Variants in SPOCK3 observed in about 807,000 individuals in gnomAD.
The protein encoded by SPOCK3 is testican-3.
SPOCK3 carries 30 observed loss-of-function variants against 56.6 expected under a neutral mutation model. The observed-to-expected ratio is 0.53, with a 90% CI of 0.40 to 0.72. The LOEUF is 0.72. SPOCK3 is among the 30% of genes least tolerant of loss of function. The probability of loss-of-function intolerance (pLI) is 0.00; values close to 1 mark genes in which losing one functional copy is unlikely to be tolerated. For missense variants in SPOCK3, 527 were observed against 530.0 expected, an observed-to-expected ratio of 0.99 and a Z score of 0.06; for synonymous variants, 196 against 183.3, an observed-to-expected ratio of 1.07 and a Z score of -0.56.
intron 4 of SPOCK3, among the ~76,000 whole-genome samples, chr4:166,957,434 C>T (rs190308347): frequency 1.3e-5 from 2 of 152,310 alleles, no homozygotes; most frequent in East Asian, 3.9e-4. Flanking sequence ...AGCCTGAACT[C>T]CTGACTTCCT....
chr4:166,952,614 C>T (rs182026575), intron 4 of SPOCK3, among the ~76,000 whole-genome samples: 1 of 152,260 alleles, frequency 6.6e-6, no homozygotes, highest in East Asian at 1.9e-4. Context: ...AAAAAAGAGC[C>T]CGCATCGTCA....
intron 6 of SPOCK3, among the ~76,000 whole-genome samples, chr4:166,863,760 T>C (rs1731488067): frequency 6.6e-6 from 1 of 152,062 alleles, no homozygotes; most frequent in Non-Finnish European, 1.5e-5. Context: ...ATGCATCCAA[T>C]ACAGGAGCAC....
chr4:166,846,617 T>G (rs911069983), intron 6 of SPOCK3, among the ~76,000 whole-genome samples: 1 of 152,228 alleles, frequency 6.6e-6, no homozygotes, highest in Admixed American at 6.5e-5. Flanking sequence ...CCTGTTTTTA[T>G]TTTTGGACAT....
At chr4:167,156,503 T>C (rs1374795656) in intron 2 of SPOCK3, among the ~76,000 whole-genome samples, 3 of 152,134 alleles carry the variant, frequency 2.0e-5, no homozygotes, top group African/African-American at 7.2e-5. Context: ...TTAGTCCCCT[T>C]TTTGTAGTTC....
At chr4:167,146,329 C>A (rs1209649733) in intron 2 of SPOCK3, among the ~76,000 whole-genome samples, 1 of 152,106 alleles carries the variant, frequency 6.6e-6, no homozygotes, top group African/African-American at 2.4e-5. Flanking sequence ...TAGAGACCTA[C>A]AAAGAGACTT....
chr4:166,808,745 T>C (rs371937681), intron 6 of SPOCK3, among the ~76,000 whole-genome samples: 1 of 152,132 alleles, frequency 6.6e-6, no homozygotes, highest in African/African-American at 2.4e-5. Context: ...TATGGCAACA[T>C]ATAATATTAC....
intron 3 of SPOCK3, among the ~76,000 whole-genome samples, chr4:167,002,062 G>A (rs1036940845): frequency 1.3e-5 from 2 of 152,052 alleles, no homozygotes; most frequent in South Asian, 4.1e-4. Context: ...AGGCTTAAGT[G>A]ATTCTCCTGC....
At position 166,734,813 on chromosome 4, in the gene SPOCK3, T is replaced by C; in HGVS notation, c.*108A>G. On this transcript the variant is annotated 3_prime_UTR_variant, in exon 11 of 11. Coordinates refer to ENST00000357545, the MANE Select transcript of SPOCK3 (RefSeq NM_001040159.2). The stretch of plus-strand genomic sequence containing the variant: ...TTTTCAAATAATTATACAAAATATA[T>C]GTGAGGTTTAGAATCATTTTGTTAT... 3 of 919,244 alleles carry C rather than the reference T, an allele frequency of 3.3e-6. No homozygotes were observed. The highest frequency in any genetic ancestry group is 4.8e-6 in the Non-Finnish European group (3 of 626,714). The allele number at this position is 919,244 out of a possible 1,614,324, so 56.9% of individuals were successfully genotyped here.
intron 3 of SPOCK3, among the ~76,000 whole-genome samples, chr4:167,033,547 A>G (rs1752471355): frequency 6.6e-6 from 1 of 151,926 alleles, no homozygotes; most frequent in South Asian, 2.1e-4. Context: ...TTGAATAGGC[A>G]GAAACAAACA....
rs773532571 is a variant in SPOCK3 at position 166,797,321 on chromosome 4, TTA to T, written c.590-5034_590-5033del. On this transcript the variant is annotated intron_variant, in intron 6 of 10. Coordinates refer to ENST00000357545, the MANE Select transcript of SPOCK3 (RefSeq NM_001040159.2). The stretch of plus-strand genomic sequence containing the variant: ...TTTCTAAGTGGCTTTTTTTTTTTTT[TTA>T]AACAAAGCTTTGATATTTGCTTTAT... 6.2e-3 allele frequency among the ~76,000 whole-genome samples: 706 copies of T among 114,434 alleles called. 11 individuals carry two copies. The East Asian group carries it at 0.077, about 12-fold the overall frequency. 75.1% of individuals were successfully genotyped at this position (114,434 alleles called of 152,430 possible).
intron 7 of SPOCK3, among the ~76,000 whole-genome samples, chr4:166,767,774 A>G (rs970463506): frequency 6.6e-6 from 1 of 152,182 alleles, no homozygotes; most frequent in African/African-American, 2.4e-5. Flanking sequence ...GATCTGTCTA[A>G]TGTTGACAGT....
chr4:166,771,213 A>C (rs575272761), intron 7 of SPOCK3, among the ~76,000 whole-genome samples: 54 of 151,916 alleles, frequency 3.6e-4, no homozygotes, highest in African/African-American at 1.3e-3. Flanking sequence ...TAGCCTCAAA[A>C]GAATCATATT....
chr4:166,818,730 A>T (rs923677029), intron 6 of SPOCK3, among the ~76,000 whole-genome samples: 5 of 152,004 alleles, frequency 3.3e-5, no homozygotes, highest in African/African-American at 1.2e-4. Flanking sequence ...TTAAAGTATA[A>T]CTTTATATCC....
intron 4 of SPOCK3, among the ~76,000 whole-genome samples, chr4:166,991,756 G>A (rs1403925851): frequency 6.6e-6 from 1 of 152,120 alleles, no homozygotes; most frequent in Non-Finnish European, 1.5e-5. Context: ...ACTGGTAAAG[G>A]GGTGAAACAG....
intron 2 of SPOCK3, among the ~76,000 whole-genome samples, chr4:167,143,838 T>C (rs1222041712): frequency 1.3e-5 from 2 of 151,984 alleles, no homozygotes; most frequent in Non-Finnish European, 2.9e-5. Flanking sequence ...TAAAATTCTA[T>C]TAATGAATGA....
At chr4:167,129,268 A>C (rs187380709) in intron 2 of SPOCK3, among the ~76,000 whole-genome samples, 3 of 152,368 alleles carry the variant, frequency 2.0e-5, no homozygotes, top group Non-Finnish European at 4.4e-5. Context: ...TACATGAATC[A>C]GATGGAGGTC....
intron 3 of SPOCK3, among the ~76,000 whole-genome samples, chr4:167,052,819 C>G (rs1465920313): frequency 6.6e-6 from 1 of 152,150 alleles, no homozygotes; most frequent in Non-Finnish European, 1.5e-5. Context: ...ATCTGGGAGA[C>G]AGCCAATATT....
At chr4:166,839,874 C>T (rs1201040051) in intron 6 of SPOCK3, among the ~76,000 whole-genome samples, 7 of 152,192 alleles carry the variant, frequency 4.6e-5, no homozygotes, top group African/African-American at 1.4e-4. Flanking sequence ...CCAGAAAACC[C>T]CCATAAAAGT....
At chr4:166,742,641 T>G (rs1735008569) in intron 8 of SPOCK3, among the ~76,000 whole-genome samples, 1 of 152,132 alleles carries the variant, frequency 6.6e-6, no homozygotes. Flanking sequence ...TAAGAGATAT[T>G]AGTCTTTTTA....
Sources: gnomAD v4.1 joint callset for allele counts (sites outside exome capture counted in the v4.1 genomes callset) on GRCh38, gnomAD v4.1.1 for gene constraint, MANE v1.5 for transcripts, NCBI Gene and HGNC (gene_info 2026-07-23, HGNC 2026-07-21) for gene names.